RUNX2: variants seen among roughly 807,000 people sequenced by gnomAD.
RUNX2 encodes RUNX family transcription factor 2, also known as runt-related transcription factor 2.
In RUNX2, 10 loss-of-function variants were observed where a neutral mutation model predicts 51.7. The ratio of observed to expected loss-of-function variants is 0.19; its 90% CI spans 0.12 to 0.33. RUNX2 has a LOEUF of 0.33. RUNX2 is among the 10% of genes least tolerant of loss of function. The probability of loss-of-function intolerance (pLI) is 1.00; values close to 1 mark genes in which losing one functional copy is unlikely to be tolerated. For synonymous variants in RUNX2, 276 were observed against 273.6 expected, an observed-to-expected ratio of 1.01 and a Z score of -0.09; for missense variants, 562 against 691.3, an observed-to-expected ratio of 0.81 and a Z score of 2.10.
intron 7 of RUNX2, among the ~76,000 whole-genome samples, chr6:45,524,426 G>T (rs999107253): frequency 3.9e-5 from 6 of 152,128 alleles, no homozygotes; most frequent in African/African-American, 1.4e-4. Context: ...ACTAGGAGGA[G>T]CCCTGTGCTT....
At chr6:45,453,599 A>G (rs1478342756) in intron 5 of RUNX2, among the ~76,000 whole-genome samples, 3 of 152,240 alleles carry the variant, frequency 2.0e-5, no homozygotes, top group Non-Finnish European at 4.4e-5. Context: ...GAGAGCTTTC[A>G]GTGGTCAGGG....
intron 2 of RUNX2, among the ~76,000 whole-genome samples, chr6:45,375,476 T>C (rs1041202385): frequency 6.6e-6 from 1 of 152,246 alleles, no homozygotes; most frequent in Non-Finnish European, 1.5e-5. Context: ...TCTCTCCATC[T>C]GATTTAACTC....
At chr6:45,493,973 C>T (rs183746335) in intron 6 of RUNX2, among the ~76,000 whole-genome samples, 40 of 152,200 alleles carry the variant, frequency 2.6e-4, no homozygotes, top group African/African-American at 7.0e-4. Flanking sequence ...TTGGAGACTG[C>T]GTGTTGCCAG....
chr6:45,470,531 G>C (rs1016887914), intron 5 of RUNX2, among the ~76,000 whole-genome samples: 1 of 152,226 alleles, frequency 6.6e-6, no homozygotes, highest in African/African-American at 2.4e-5. Flanking sequence ...AATGTCACAT[G>C]AGTGATACAG....
intron 2 of RUNX2, among the ~76,000 whole-genome samples, chr6:45,372,252 C>T (rs1048749738): frequency 2.0e-5 from 3 of 152,218 alleles, no homozygotes; most frequent in Admixed American, 6.5e-5. Flanking sequence ...ATTAAAATTA[C>T]TTCTCTTATA....
intron 7 of RUNX2, among the ~76,000 whole-genome samples, chr6:45,515,207 T>C (rs1801283144): frequency 6.6e-6 from 1 of 152,208 alleles, no homozygotes; most frequent in Non-Finnish European, 1.5e-5. Flanking sequence ...CATATGATTT[T>C]GGGTGAGAAA....
chr6:45,437,922 A>G lies in RUNX2; in HGVS notation c.581-25A>G, dbSNP rs755188127. On this transcript the variant is annotated intron_variant, in intron 4 of 8. Coordinates refer to ENST00000647337, the MANE Select transcript of RUNX2 (RefSeq NM_001024630.4). ...AACACTGTTTTTTAATATTCACTGT[A>G]TATTTTCCCCTTTTATATCTGCAGG... is the stretch of plus-strand genomic sequence containing the variant. 14 of 1,504,688 alleles carry G rather than the reference A, an allele frequency of 9.3e-6. No homozygotes were observed. In the African/African-American group the frequency reaches 1.1e-4, roughly 12 times the overall value. The allele number at this position is 1,504,688 out of a possible 1,614,324, so 93.2% of individuals were successfully genotyped here.
intron 2 of RUNX2, among the ~76,000 whole-genome samples, chr6:45,379,489 A>G (rs1797176655): frequency 6.6e-6 from 1 of 152,252 alleles, no homozygotes; most frequent in Admixed American, 6.5e-5. Context: ...TTTCACCTGC[A>G]TCAGATGAGT....
intron 2 of RUNX2, among the ~76,000 whole-genome samples, chr6:45,387,099 C>T (rs1040895185): frequency 3.3e-5 from 5 of 152,072 alleles, no homozygotes; most frequent in Non-Finnish European, 7.4e-5. Context: ...TTTTATATAA[C>T]TTGGGTACTC....
Position 45,547,768 on chromosome 6 carries a change from C to T in RUNX2, c.*463C>T, listed in dbSNP as rs1463308909. 3.3e-5 allele frequency: 7 copies of T among 212,602 alleles called. No individual in the cohort carries two copies. Among genetic ancestry groups the T allele is most frequent in the African/African-American group, 1.6e-4 (7 of 42,936 alleles). The allele number at this position is 212,602 out of a possible 1,614,324, so 13.2% of individuals were successfully genotyped here. On this transcript the variant is annotated 3_prime_UTR_variant, in exon 9 of 9. Coordinates refer to ENST00000647337, the MANE Select transcript of RUNX2 (RefSeq NM_001024630.4). ...TGCCCTCCGCAGACAGCTCACAAAA[C>T]CAGTTGAGGTGCACTAAAGGGACAT...
intron 2 of RUNX2, among the ~76,000 whole-genome samples, chr6:45,389,341 T>C (rs1040569383): frequency 6.6e-6 from 1 of 152,204 alleles, no homozygotes; most frequent in East Asian, 1.9e-4. Context: ...CTGGGAGATA[T>C]CCTTTTGGAA....
At chr6:45,478,820 C>A (rs1800030822) in intron 5 of RUNX2, among the ~76,000 whole-genome samples, 1 of 152,216 alleles carries the variant, frequency 6.6e-6, no homozygotes, top group African/African-American at 2.4e-5. Flanking sequence ...CTTTCAGTCA[C>A]ATGTTCTCTT....
In RUNX2 at chr6:45,549,467, T is replaced by G. The variant is rs918580691; in HGVS notation, c.*2162T>G. On this transcript the variant is annotated 3_prime_UTR_variant, in exon 9 of 9. Transcript: ENST00000647337. ...AAAACACTTTGCCTTCTAAAGGCCG[T>G]ATACCAAGTATGCTTAGATAAATAA... 3 of 398,124 alleles carry G rather than the reference T, an allele frequency of 7.5e-6. No individual in the cohort carries two copies. Among genetic ancestry groups the G allele is most frequent in the Non-Finnish European group, 1.3e-5 (3 of 226,014 alleles). 24.7% of individuals were successfully genotyped at this position (398,124 alleles called of 1,614,324 possible). A position where few individuals can be genotyped will look rare whatever the true frequency, so the allele number is the denominator to read the frequency against.
chr6:45,472,137 C>G (rs762318804), intron 5 of RUNX2, among the ~76,000 whole-genome samples: 7 of 151,934 alleles, frequency 4.6e-5, no homozygotes, highest in Non-Finnish European at 1.0e-4. Context: ...TAAGAAATTT[C>G]AAGATTTTTA....
chr6:45,426,460 C>A (rs1173459228), intron 3 of RUNX2, among the ~76,000 whole-genome samples: 1 of 152,112 alleles, frequency 6.6e-6, no homozygotes, highest in African/African-American at 2.4e-5. Context: ...CCAGTAGCAC[C>A]CTTTTAGTTA....
intron 5 of RUNX2, among the ~76,000 whole-genome samples, chr6:45,442,299 A>C (rs1216044775): frequency 6.6e-6 from 1 of 152,210 alleles, no homozygotes; most frequent in African/African-American, 2.4e-5. Flanking sequence ...GTGTTTAGGC[A>C]AGGCATTTTG....
At chr6:45,519,216 A>G (rs1198400065) in intron 7 of RUNX2, among the ~76,000 whole-genome samples, 1 of 152,210 alleles carries the variant, frequency 6.6e-6, no homozygotes, top group Non-Finnish European at 1.5e-5. Flanking sequence ...TTTTATGTAT[A>G]TGTCTTAAAA....
At chr6:45,518,673 T>C (rs1276717338) in intron 7 of RUNX2, among the ~76,000 whole-genome samples, 1 of 152,198 alleles carries the variant, frequency 6.6e-6, no homozygotes. Context: ...GTTGTTTTTG[T>C]GGGGATTTAT....
chr6:45,337,544 A>G (rs1788838312), intron 2 of RUNX2, among the ~76,000 whole-genome samples: 1 of 151,850 alleles, frequency 6.6e-6, no homozygotes, highest in Admixed American at 6.6e-5. Flanking sequence ...TTGCTACGCC[A>G]TAATGATCTG....
Sources: gnomAD v4.1 joint callset for allele counts (sites outside exome capture counted in the v4.1 genomes callset) on GRCh38, gnomAD v4.1.1 for gene constraint, MANE v1.5 for transcripts, NCBI Gene and HGNC (gene_info 2026-07-23, HGNC 2026-07-21) for gene names.